NOTCH2: variants seen among roughly 807,000 people sequenced by gnomAD.
The protein encoded by NOTCH2 is notch receptor 2, also known as neurogenic locus notch homolog protein 2.
Under a neutral mutation model 235.8 loss-of-function variants are expected in NOTCH2, and 29 were observed. That is an observed-to-expected ratio of 0.12 (90% CI 0.09 to 0.17). The LOEUF (loss-of-function observed/expected upper bound fraction) is 0.17. Among genes scored for constraint, NOTCH2 ranks in the 10% least tolerant of loss-of-function variants. The pLI is 1.00. For missense variants in NOTCH2, 2,285 were observed against 3,150.2 expected, an observed-to-expected ratio of 0.73 and a Z score of 6.57; for synonymous variants, 1,086 against 1,141.5, an observed-to-expected ratio of 0.95 and a Z score of 0.98.
chr1:120,024,965 A>C (rs1454387428), intron 2 of NOTCH2, among the ~76,000 whole-genome samples: 1 of 151,870 alleles, frequency 6.6e-6, no homozygotes, highest in Non-Finnish European at 1.5e-5. Flanking sequence ...GCCTCAGAAA[A>C]AGCAAAGCAA....
rs797044688 is a variant in NOTCH2 at position 119,929,211 on chromosome 1, G to T, written c.3657C>A (p.Gly1219=). 2 of 1,611,418 alleles carry T rather than the reference G, an allele frequency of 1.2e-6. No individual in the cohort carries two copies. Among genetic ancestry groups the T allele is most frequent in the East Asian group, 2.2e-5 (1 of 44,872 alleles). ...FKCSCPPGTR[G]LLCEENIDDC... ...CATCAATGTTCTCTTCACAGAGTAG[G>T]CCTGGAGGAAAGAGAAGAGGTACAG... The change falls in exon 23 of 34, where the codon GGC becomes GGA. Residue 1219 remains glycine (G), a splice_region_variant and synonymous_variant. Coordinates refer to ENST00000256646, the MANE Select transcript of NOTCH2 (RefSeq NM_024408.4).
At chr1:119,931,221 A>G (rs1213104151) in intron 22 of NOTCH2, among the ~76,000 whole-genome samples, 2 of 152,108 alleles carry the variant, frequency 1.3e-5, no homozygotes, top group East Asian at 1.9e-4. Flanking sequence ...GTAAGGCCCA[A>G]TTTTCAAAAG....
chr1:119,999,919 GAA>G (rs531954007), intron 3 of NOTCH2, among the ~76,000 whole-genome samples: 5 of 51,870 alleles, frequency 9.6e-5, no homozygotes, highest in Admixed American at 4.9e-4. Context: ...GAAAGAGAGA[GAA>G]AGAAAGAAAG....
chr1:119,925,868 A>G, intron 24 of NOTCH2, 58 bp from the exon 25 acceptor site: 1 of 1,599,634 alleles, frequency 6.3e-7, no homozygotes, highest in South Asian at 1.1e-5. Flanking sequence ...TCATATTGGA[A>G]GTTTGAGGTT....
chr1:119,921,721 T>G lies in NOTCH2; in HGVS notation c.5302A>C (p.Lys1768Gln), dbSNP rs1173152616. The G allele has an allele frequency of 6.2e-7, 1 of 1,614,134 alleles. No individual in the cohort carries two copies. The highest frequency in any genetic ancestry group is 8.5e-7 in the Non-Finnish European group (1 of 1,179,940). Residue 1768 changes from lysine to glutamine, a missense_variant, in exon 29 of 34, where the codon AAA becomes CAA. This residue lies in a region of NOTCH2 where 1,173 missense variants were observed against 1,515.3 expected (regional missense o/e 0.77). Transcript: ENST00000256646. The part of the protein sequence containing the change: ...WVDDEGPQPK[K>Q]VKAEDEALLS... ...TACCATGGCCACCTCACCTTTACTT[T>G]CTTTGGCTGGGGCCCTTCATCATCG...
At chr1:119,975,695 A>G (rs1450646919) in intron 5 of NOTCH2, among the ~76,000 whole-genome samples, 1 of 152,156 alleles carries the variant, frequency 6.6e-6, no homozygotes, top group Non-Finnish European at 1.5e-5. Context: ...CAGTAAATAT[A>G]ACAGGGTGAA....
chr1:119,983,560 G>C (rs1398842822), intron 5 of NOTCH2, among the ~76,000 whole-genome samples: 6 of 152,158 alleles, frequency 3.9e-5, no homozygotes, highest in Admixed American at 6.5e-5. Flanking sequence ...CCACCATATA[G>C]AATAGGATGA....
At chr1:119,986,219 G>T (rs1338009708) in intron 5 of NOTCH2, among the ~76,000 whole-genome samples, 5 of 152,024 alleles carry the variant, frequency 3.3e-5, no homozygotes, top group African/African-American at 1.2e-4. Context: ...TCTCAAAAAG[G>T]CCCAGCTCTT....
Position 120,029,996 on chromosome 1 carries a change from A to G in NOTCH2, c.74-9T>C, listed in dbSNP as rs1452203304. The G allele has an allele frequency of 1.6e-6, 1 of 608,738 alleles. No homozygotes were observed. Among genetic ancestry groups the G allele is most frequent in the Admixed American group, 3.0e-5 (1 of 33,882 alleles). The allele number at this position is 608,738 out of a possible 1,614,324, so 37.7% of individuals were successfully genotyped here. ...ATCTCGACACTGCAATGCTAAAAATAAAAACAAATGCACATTAGAAGTAAG... is the reference window on the plus strand; with the variant it reads ...ATCTCGACACTGCAATGCTAAAAATGAAAACAAATGCACATTAGAAGTAAG... On this transcript the variant is annotated splice_polypyrimidine_tract_variant and intron_variant, in intron 1 of 33. Transcript: ENST00000256646.
At chr1:119,973,516 C>T (rs782775188) in intron 5 of NOTCH2, among the ~76,000 whole-genome samples, 1 of 152,056 alleles carries the variant, frequency 6.6e-6, no homozygotes, top group African/African-American at 2.4e-5. Flanking sequence ...CATTGAAACC[C>T]GGATTGATCT....
At chr1:119,951,747 C>T (rs1650483026) in intron 14 of NOTCH2, among the ~76,000 whole-genome samples, 1 of 152,140 alleles carries the variant, frequency 6.6e-6, no homozygotes, top group South Asian at 2.1e-4. Flanking sequence ...TGGCACAGAG[C>T]CTTAAAGTAG....
At chr1:119,926,645 G>A in intron 23 of NOTCH2, 34 bp from the exon 24 acceptor site, 1 of 1,527,906 alleles carries the variant, frequency 6.5e-7, no homozygotes, top group African/African-American at 1.4e-5. Flanking sequence ...GGTTTTAAAA[G>A]GCAGAAGTAG....
chr1:119,958,541 G>A (rs956853151), intron 12 of NOTCH2, among the ~76,000 whole-genome samples: 7 of 152,294 alleles, frequency 4.6e-5, no homozygotes, highest in African/African-American at 1.7e-4. Context: ...GGCTGCTTCT[G>A]TGTGTCACTG....
At chr1:120,043,580 G>T (rs2596089) in intron 1 of NOTCH2, among the ~76,000 whole-genome samples, 2 of 152,196 alleles carry the variant, frequency 1.3e-5, no homozygotes, top group African/African-American at 4.8e-5. Flanking sequence ...ATTCTCAGGT[G>T]GGTAACCACC....
intron 1 of NOTCH2, among the ~76,000 whole-genome samples, chr1:120,053,562 G>T (rs2603939): frequency 8.4e-6 from 1 of 118,616 alleles, no homozygotes; most frequent in Non-Finnish European, 1.7e-5. Flanking sequence ...CTATGACCAC[G>T]CAAAAGATTT....
intron 2 of NOTCH2, among the ~76,000 whole-genome samples, chr1:120,014,889 T>C (rs1653369166): frequency 7.4e-6 from 1 of 134,576 alleles, no homozygotes; most frequent in Non-Finnish European, 1.6e-5. Flanking sequence ...CTTTTCCAAA[T>C]AAAAGCCAGT....
chr1:119,975,107 TTGGGG>T (rs1651520819), intron 5 of NOTCH2, among the ~76,000 whole-genome samples: 1 of 152,116 alleles, frequency 6.6e-6, no homozygotes, highest in African/African-American at 2.4e-5. Flanking sequence ...GATAAAGACT[TTGGGG>T]TGTGAGATTG....
chr1:119,963,112 A>G (rs902985618), intron 11 of NOTCH2, among the ~76,000 whole-genome samples: 1 of 152,068 alleles, frequency 6.6e-6, no homozygotes, highest in Non-Finnish European at 1.5e-5. Context: ...ACATGTCACA[A>G]TAAAGAGACT....
intron 1 of NOTCH2, among the ~76,000 whole-genome samples, chr1:120,048,016 T>A (rs1405061613): frequency 6.6e-6 from 1 of 151,884 alleles, no homozygotes; most frequent in Non-Finnish European, 1.5e-5. Context: ...TCCGCCTGCC[T>A]TGGCCTCCCA....
Sources: gnomAD v4.1 joint callset for allele counts (sites outside exome capture counted in the v4.1 genomes callset) on GRCh38, gnomAD v4.1.1 for gene constraint, gnomAD v4.1.1 regional missense constraint, MANE v1.5 for transcripts, NCBI Gene and HGNC (gene_info 2026-07-23, HGNC 2026-07-21) for gene names.